Variants in CHST12 observed in about 807,000 individuals in gnomAD.
The protein encoded by CHST12 is carbohydrate (chondroitin 4) sulfotransferase 12.
A neutral mutation model predicts 27.9 loss-of-function variants in CHST12; 23 were observed. The observed-to-expected ratio is 0.82, with a 90% CI of 0.59 to 1.17. The LOEUF (loss-of-function observed/expected upper bound fraction) is 1.17. Among genes scored for constraint, CHST12 ranks in the 50% most tolerant of loss-of-function variants. The probability of loss-of-function intolerance (pLI) is 0.00; values close to 1 mark genes in which losing one functional copy is unlikely to be tolerated. For synonymous variants in CHST12, 322 were observed against 273.0 expected (o/e 1.18, Z -1.77); for missense variants, 682 against 603.0 (o/e 1.13, Z -1.37).
chr7:2,444,821 G>A lies in CHST12; in HGVS notation c.*10937G>A, dbSNP rs1267356409. ...TGTCCTCACAGAGCAAGGAAGTTCT[G>A]TGAGCCTCATTCAATCATCTGAGGT... On this transcript the variant is annotated 3_prime_UTR_variant, in exon 2 of 2. Coordinates refer to ENST00000618655, the MANE Select transcript of CHST12 (RefSeq NM_018641.5). 2 of 152,242 alleles carry A rather than the reference G, an allele frequency of 1.3e-5. No homozygotes were observed. The highest frequency in any genetic ancestry group is 2.9e-5 in the Non-Finnish European group (2 of 68,052). The allele number at this position is 152,242 out of a possible 1,614,324, so 9.4% of individuals were successfully genotyped here.
chr7:2,419,631 C>T (rs1020456118), intron 1 of CHST12, among the ~76,000 whole-genome samples: 12 of 149,590 alleles, frequency 8.0e-5, no homozygotes, highest in East Asian at 2.0e-4. Flanking sequence ...CGCTTGAACC[C>T]GGGAAGCAGA....
In CHST12 at chr7:2,445,897, C is replaced by T. The variant is rs1247797314; in HGVS notation, c.*12013C>T. On this transcript the variant is annotated 3_prime_UTR_variant, in exon 2 of 2. Coordinates refer to ENST00000618655, the MANE Select transcript of CHST12 (RefSeq NM_018641.5). ...GCACGCCAGGGTTTAATGGACGGCT[C>T]TTTGAAGTCATGGGCTGAGCCAGAA... The T allele has an allele frequency of 6.6e-6, 1 of 152,370 alleles. No homozygotes were observed. The highest frequency in any genetic ancestry group is 1.9e-4 in the East Asian group (1 of 5,184). The allele number at this position is 152,370 out of a possible 1,614,324, so 9.4% of individuals were successfully genotyped here.
intron 1 of CHST12, among the ~76,000 whole-genome samples, chr7:2,427,974 G>A (rs1435023023): frequency 6.6e-6 from 1 of 151,768 alleles, no homozygotes; most frequent in Non-Finnish European, 1.5e-5. Context: ...CCGTCACCAT[G>A]GCCAGCTAAT....
At position 2,433,123 on chromosome 7, in the gene CHST12, C is replaced by T. The variant is rs759386693; in HGVS notation, c.484C>T (p.Arg162Trp). ...SELSHLIVDD[R>W]HGAIYCYVPK... ...GCTGAGCCACCTGATCGTGGACGAC[C>T]GGCACGGGGCCATCTACTGCTACGT... The change falls in exon 2 of 2, where the codon CGG (arginine) becomes TGG (tryptophan). Residue 162 changes from arginine to tryptophan, a missense_variant. Arg to Trp is a moderately radical substitution (Grantham distance 101). Coordinates refer to ENST00000618655, the MANE Select transcript of CHST12 (RefSeq NM_018641.5). The surrounding 1 kb of genome is among the most constrained non-coding windows in gnomAD (Gnocchi z 6.1). 5.6e-6 allele frequency: 9 copies of T among 1,612,208 alleles called. No homozygotes were observed. The highest frequency in any genetic ancestry group is 1.7e-5 in the Admixed American group (1 of 59,962).
intron 1 of CHST12, among the ~76,000 whole-genome samples, chr7:2,417,793 C>T (rs1306138693): frequency 6.6e-6 from 1 of 152,206 alleles, no homozygotes; most frequent in Non-Finnish European, 1.5e-5. Context: ...GGATGTTACT[C>T]TCCTCCAGAA....
intron 1 of CHST12, chr7:2,404,053 C>T (rs1170396224): frequency 6.6e-6 from 1 of 152,240 alleles, no homozygotes; most frequent in Non-Finnish European, 1.5e-5. Flanking sequence ...GCATCAGCCT[C>T]TGCCGCCCGG....
At chr7:2,427,626 A>G (rs1017768760) in intron 1 of CHST12, among the ~76,000 whole-genome samples, 7 of 152,066 alleles carry the variant, frequency 4.6e-5, no homozygotes, top group African/African-American at 1.7e-4. Context: ...GGGTGTTTGT[A>G]GATGCCCTAT....
At position 2,435,810 on chromosome 7, in the gene CHST12, A is replaced by G; in HGVS notation, c.*1926A>G. ...CCTTTCTGAAGCTTCGCTTTCTTTTATTTTTGTTTTGTTTTGTTTTTGGAG... is the reference window on the plus strand; with the variant it reads ...CCTTTCTGAAGCTTCGCTTTCTTTTGTTTTTGTTTTGTTTTGTTTTTGGAG... On this transcript the variant is annotated 3_prime_UTR_variant, in exon 2 of 2. Coordinates refer to ENST00000618655, the MANE Select transcript of CHST12 (RefSeq NM_018641.5). The G allele has an allele frequency of 6.6e-6, 1 of 151,850 alleles. No individual in the cohort carries two copies. The highest frequency in any genetic ancestry group is 1.9e-4 in the East Asian group (1 of 5,174). 9.4% of individuals were successfully genotyped at this position (151,850 alleles called of 1,614,324 possible). A position where few individuals can be genotyped will look rare whatever the true frequency, so the allele number is the denominator to read the frequency against.
At chr7:2,417,310 T>G (rs1346673530) in intron 1 of CHST12, among the ~76,000 whole-genome samples, 1 of 151,008 alleles carries the variant, frequency 6.6e-6, no homozygotes, top group East Asian at 1.9e-4. Context: ...CTGCAACCTC[T>G]GCTTCCTGGG....
chr7:2,405,430 T>TA (rs911727061), intron 1 of CHST12, among the ~76,000 whole-genome samples: 5 of 151,446 alleles, frequency 3.3e-5, no homozygotes, highest in African/African-American at 9.7e-5. Context: ...GGCAACAGAG[T>TA]AAAAAAAAGA....
chr7:2,433,988 A>T lies in CHST12; in HGVS notation c.*104A>T. ...GCAATCTGGGCTTCTTGTTCACTCC[A>T]CTGCCTCTATCCATTGAGTACTGTA... On this transcript the variant is annotated 3_prime_UTR_variant, in exon 2 of 2. Transcript: ENST00000618655. The surrounding 1 kb of genome is among the most constrained non-coding windows in gnomAD (Gnocchi z 6.1). 1 of 875,766 alleles carries T rather than the reference A, an allele frequency of 1.1e-6. No individual in the cohort carries two copies. Among genetic ancestry groups the T allele is most frequent in the Non-Finnish European group, 1.8e-6 (1 of 554,832 alleles). The allele number at this position is 875,766 out of a possible 1,614,324, so 54.2% of individuals were successfully genotyped here.
rs1303285369 is a variant in CHST12, at chr7:2,438,981, A to C, written c.*5097A>C. 1 of 152,120 alleles carries C rather than the reference A, an allele frequency of 6.6e-6. No individual in the cohort carries two copies. The highest frequency in any genetic ancestry group is 1.5e-5 in the Non-Finnish European group (1 of 68,046). The allele number at this position is 152,120 out of a possible 1,614,324, so 9.4% of individuals were successfully genotyped here. A position where few individuals can be genotyped will look rare whatever the true frequency, so the allele number is the denominator to read the frequency against. Reference sequence around the variant, plus strand: ...TGGCCACCTAGAAAAGCCGTCCCGGAACTGAGACCAACTGCTGAGGGAGGA... The same window carrying C: ...TGGCCACCTAGAAAAGCCGTCCCGGCACTGAGACCAACTGCTGAGGGAGGA... On this transcript the variant is annotated 3_prime_UTR_variant, in exon 2 of 2. Transcript: ENST00000618655.
chr7:2,410,462 C>T (rs1011506073), intron 1 of CHST12, among the ~76,000 whole-genome samples: 5 of 152,086 alleles, frequency 3.3e-5, no homozygotes, highest in Non-Finnish European at 5.9e-5. Flanking sequence ...TCTGCGATTG[C>T]ACCACTGCAC....
intron 1 of CHST12, among the ~76,000 whole-genome samples, chr7:2,432,032 TA>T (rs1161787595): frequency 6.7e-6 from 1 of 148,502 alleles, no homozygotes; most frequent in Non-Finnish European, 1.5e-5. Flanking sequence ...ATTCGAAGAT[TA>T]AAATCAGCCT....
chr7:2,406,990 G>A (rs1781543368), intron 1 of CHST12, among the ~76,000 whole-genome samples: 1 of 151,572 alleles, frequency 6.6e-6, no homozygotes, highest in Non-Finnish European at 1.5e-5. Flanking sequence ...CTAAAAAAAA[G>A]CCACCAAAAG....
intron 1 of CHST12, among the ~76,000 whole-genome samples, chr7:2,428,370 A>G (rs981463906): frequency 2.6e-5 from 4 of 151,604 alleles, no homozygotes; most frequent in African/African-American, 9.7e-5. Flanking sequence ...AATTTTTTGT[A>G]TTTTTTAGTA....
rs1782658460 is a variant in CHST12, at chr7:2,443,055, G to C, written c.*9171G>C. 6.6e-6 allele frequency: 1 copy of C among 152,126 alleles called. No individual in the cohort carries two copies. Among genetic ancestry groups the C allele is most frequent in the Admixed American group, 6.6e-5 (1 of 15,258 alleles). 9.4% of individuals were successfully genotyped at this position (152,126 alleles called of 1,614,324 possible). On this transcript the variant is annotated 3_prime_UTR_variant, in exon 2 of 2. Coordinates refer to ENST00000618655, the MANE Select transcript of CHST12 (RefSeq NM_018641.5). ...TCCTGCCTCAGCCTCCCAAGTAGCTGGGATTACAGGTGCCCGCCACCATGG... is the reference window on the plus strand; with the variant it reads ...TCCTGCCTCAGCCTCCCAAGTAGCTCGGATTACAGGTGCCCGCCACCATGG...
In CHST12 at chr7:2,438,081, A is replaced by G. The variant is rs1782515711; in HGVS notation, c.*4197A>G. On this transcript the variant is annotated 3_prime_UTR_variant, in exon 2 of 2. Coordinates refer to ENST00000618655, the MANE Select transcript of CHST12 (RefSeq NM_018641.5). ...TCCAAGCAAAGTGGGTGGCGTGTGC[A>G]TTTTGTGAACACGTGGTCTGCTTCC... is the stretch of plus-strand genomic sequence containing the variant. The G allele has an allele frequency of 6.6e-6, 1 of 152,270 alleles. No individual in the cohort carries two copies. The highest frequency in any genetic ancestry group is 1.5e-5 in the Non-Finnish European group (1 of 68,112). The allele number at this position is 152,270 out of a possible 1,614,324, so 9.4% of individuals were successfully genotyped here. A position where few individuals can be genotyped will look rare whatever the true frequency, so the allele number is the denominator to read the frequency against.
At position 2,433,797 on chromosome 7, in the gene CHST12, G is replaced by A; in HGVS notation, c.1158G>A (p.Leu386=). The change falls in exon 2 of 2, where the codon CTG becomes CTA. Residue 386 remains leucine, a synonymous_variant. Coordinates refer to ENST00000618655, the MANE Select transcript of CHST12 (RefSeq NM_018641.5). The surrounding 1 kb of genome is among the most constrained non-coding windows in gnomAD (Gnocchi z 6.1). ...WEEDWFAKIP[L]AWRQQLYKLY... ...AGGACTGGTTCGCCAAGATCCCCCTGGCCTGGAGGCAGCAGCTGTATAAAC... is the reference window on the plus strand; with the variant it reads ...AGGACTGGTTCGCCAAGATCCCCCTAGCCTGGAGGCAGCAGCTGTATAAAC... The A allele has an allele frequency of 1.2e-6, 2 of 1,614,102 alleles. No homozygotes were observed. Among genetic ancestry groups the A allele is most frequent in the Non-Finnish European group, 1.7e-6 (2 of 1,180,016 alleles).
Sources: allele counts gnomAD v4.1 joint callset (sites outside exome capture counted in the v4.1 genomes callset), GRCh38; gene constraint gnomAD v4.1.1; non-coding constraint Gnocchi (gnomAD v3.1); transcripts MANE v1.5; gene names NCBI Gene and HGNC (gene_info 2026-07-23, HGNC 2026-07-21).